ZNF33B: variants seen among roughly 807,000 people sequenced by gnomAD.
The protein encoded by ZNF33B is zinc finger protein 33B.
A neutral mutation model predicts 45.8 loss-of-function variants in ZNF33B; 29 were observed. The observed-to-expected ratio is 0.63, with a 90% confidence interval of 0.47 to 0.86. ZNF33B has a LOEUF of 0.86. Ranked by LOEUF, ZNF33B falls within the 40% of genes least tolerant of loss-of-function variation. The pLI, the probability that ZNF33B is intolerant of heterozygous loss-of-function variation, is 0.00. For missense variants in ZNF33B, 831 were observed against 909.9 expected, an observed-to-expected ratio of 0.91 and a Z score of 1.12; for synonymous variants, 305 against 307.8, an observed-to-expected ratio of 0.99 and a Z score of 0.10.
At position 42,593,064 on chromosome 10, in the gene ZNF33B, C is replaced by A. The variant is rs1837211403; in HGVS notation, c.1886G>T (p.Arg629Ile). ...ATAGGGTTTCTCCCCTATGTGAATTCTCTGATGCTGAGTGAGTTGTGACTT... is the reference window on the plus strand; with the variant it reads ...ATAGGGTTTCTCCCCTATGTGAATTATCTGATGCTGAGTGAGTTGTGACTT... The part of the protein sequence containing the change: ...CQKSQLTQHQ[R>I]IHIGEKPYEC... Residue 629 changes from arginine (R) to isoleucine (I), a missense_variant, in exon 5 of 5, where the codon AGA becomes ATA. Coordinates refer to ENST00000359467, the MANE Select transcript of ZNF33B (RefSeq NM_006955.3). 6.2e-7 allele frequency: 1 copy of A among 1,614,060 alleles called. No homozygotes were observed. The highest frequency in any genetic ancestry group is 1.3e-5 in the African/African-American group (1 of 75,028).
At chr10:42,587,012 G>C (rs1267789716), downstream of ZNF33B, among the ~76,000 whole-genome samples, 6 of 152,092 alleles carry the variant, frequency 3.9e-5, no homozygotes, top group South Asian at 6.2e-4. Context: ...TTCCTCTTGA[G>C]GGGAGTGACA....
intron 4 of ZNF33B, among the ~76,000 whole-genome samples, chr10:42,613,924 A>G (rs1294784504): frequency 6.6e-6 from 1 of 151,750 alleles, no homozygotes; most frequent in Non-Finnish European, 1.5e-5. Flanking sequence ...AAGGAAATAT[A>G]TAAGATAAGC....
chr10:42,629,209 A>C (rs558784203), intron 4 of ZNF33B, among the ~76,000 whole-genome samples: 1 of 152,306 alleles, frequency 6.6e-6, no homozygotes, highest in Admixed American at 6.5e-5. Flanking sequence ...GCATGTTCTC[A>C]CTTATTTGTG....
chr10:42,584,521 T>C (rs1042145125), downstream of ZNF33B, among the ~76,000 whole-genome samples: 11 of 150,648 alleles, frequency 7.3e-5, no homozygotes, highest in African/African-American at 2.7e-4. Context: ...CCCTTTCCTT[T>C]GAGCTTTTTT....
intron 1 of ZNF33B, chr10:42,583,225 G>C: frequency 4.4e-6 from 3 of 679,970 alleles, no homozygotes; most frequent in Admixed American, 1.9e-5. Flanking sequence ...TTTTCCTACA[G>C]AATGCTTAAC....
chr10:42,630,259 T>C (rs759619680), intron 4 of ZNF33B, among the ~76,000 whole-genome samples: 1 of 152,208 alleles, frequency 6.6e-6, no homozygotes, highest in Non-Finnish European at 1.5e-5. Context: ...AGAATTTTTA[T>C]TTAATAGTGC....
In ZNF33B at chr10:42,592,445, G is replaced by A. The variant is rs1837168803; in HGVS notation, c.*168C>T. On this transcript the variant is annotated 3_prime_UTR_variant, in exon 5 of 5. Transcript: ENST00000359467. ...ACTTCCTAACAAAAGCCATCCTATA[G>A]TTGTTGTAGTCTATGGGTTTATCCC... 7 of 991,892 alleles carry A rather than the reference G, an allele frequency of 7.1e-6. No individual in the cohort carries two copies. The Admixed American group carries it at 1.8e-4, about 26-fold the overall frequency. 61.4% of individuals were successfully genotyped at this position (991,892 alleles called of 1,614,324 possible). A position where few individuals can be genotyped will look rare whatever the true frequency, so the allele number is the denominator to read the frequency against.
rs780068475 is a variant in ZNF33B at position 42,594,324 on chromosome 10, T to G, written c.626A>C (p.His209Pro). ...TLSHRENTLQHEKIQTLDHNF... is the reference protein window; with the variant it reads ...TLSHRENTLQPEKIQTLDHNF... ...GTGGTCTAAAGTTTGAATCTTCTCATGCTGCAAAGTGTTCTCACGATGACT... is the reference window on the plus strand; with the variant it reads ...GTGGTCTAAAGTTTGAATCTTCTCAGGCTGCAAAGTGTTCTCACGATGACT... Residue 209 changes from histidine (H) to proline (P), a missense_variant, in exon 5 of 5, where the codon CAT becomes CCT. By Grantham distance (77) the His-to-Pro change is moderately conservative (BLOSUM62 -2). Transcript: ENST00000359467. 3.7e-6 allele frequency: 6 copies of G among 1,613,942 alleles called. No homozygotes were observed. The South Asian group carries it at 5.5e-5, about 15-fold the overall frequency.
intron 4 of ZNF33B, among the ~76,000 whole-genome samples, chr10:42,628,882 A>G (rs1169997126): frequency 6.6e-6 from 1 of 152,224 alleles, no homozygotes; most frequent in African/African-American, 2.4e-5. Context: ...CATATGGCTG[A>G]AAGAGAACAG....
chr10:42,607,188 G>A (rs1267671918), intron 4 of ZNF33B, among the ~76,000 whole-genome samples: 4 of 152,214 alleles, frequency 2.6e-5, no homozygotes, highest in South Asian at 2.1e-4. Context: ...CTAGAGTTAA[G>A]GTAGTAGAAA....
chr10:42,625,502 G>A (rs997099977), intron 4 of ZNF33B, among the ~76,000 whole-genome samples: 2 of 151,784 alleles, frequency 1.3e-5, no homozygotes, highest in Non-Finnish European at 2.9e-5. Flanking sequence ...TTTTTGAGAC[G>A]GAGTTTCACT....
intron 4 of ZNF33B, among the ~76,000 whole-genome samples, chr10:42,603,900 G>A (rs1388696029): frequency 3.3e-5 from 5 of 152,190 alleles, no homozygotes; most frequent in African/African-American, 1.2e-4. Context: ...GAGTGAAAAA[G>A]CTTCTCTCAA....
intron 1 of ZNF33B, among the ~76,000 whole-genome samples, chr10:42,581,218 G>A (rs1052456698): frequency 2.0e-5 from 3 of 151,992 alleles, no homozygotes; most frequent in Non-Finnish European, 4.4e-5. Context: ...GGGGGCAGTG[G>A]TTCATGTTGG....
At chr10:42,603,671 A>T (rs1172545021) in intron 4 of ZNF33B, among the ~76,000 whole-genome samples, 1 of 152,232 alleles carries the variant, frequency 6.6e-6, no homozygotes, top group African/African-American at 2.4e-5. Context: ...TAAGAGCAAC[A>T]TATGGTCCAG....
intron 4 of ZNF33B, among the ~76,000 whole-genome samples, chr10:42,608,922 T>C (rs1364891506): frequency 6.7e-6 from 1 of 148,620 alleles, no homozygotes; most frequent in East Asian, 1.9e-4. Flanking sequence ...AATGTAGGGA[T>C]TAACGATGTA....
At chr10:42,594,744 T>A (rs370392577) in intron 4 of ZNF33B, 45 bp from the exon 5 acceptor site, 1 of 1,506,884 alleles carries the variant, frequency 6.6e-7, no homozygotes, top group African/African-American at 1.4e-5. Flanking sequence ...TACCAAAACA[T>A]CTCTTAGGGA....
At chr10:42,580,714 T>A (rs1025575494) in intron 1 of ZNF33B, among the ~76,000 whole-genome samples, 5 of 147,068 alleles carry the variant, frequency 3.4e-5, no homozygotes, top group African/African-American at 1.2e-4. Context: ...AGGCCAGGAG[T>A]TCAAGACCAG....
chr10:42,612,820 C>A (rs1280083047), intron 4 of ZNF33B, among the ~76,000 whole-genome samples: 1 of 151,988 alleles, frequency 6.6e-6, no homozygotes, highest in African/African-American at 2.4e-5. Flanking sequence ...CCAATGAAAC[C>A]AAAAGAGTCT....
At chr10:42,622,888 GA>G (rs1838651862) in intron 4 of ZNF33B, among the ~76,000 whole-genome samples, 2 of 152,182 alleles carry the variant, frequency 1.3e-5, no homozygotes, top group Admixed American at 6.5e-5. Context: ...ATGTTTAGAA[GA>G]AATGTTCAGA....
Sources: allele counts gnomAD v4.1 joint callset (sites outside exome capture counted in the v4.1 genomes callset), GRCh38; gene constraint gnomAD v4.1.1; transcripts MANE v1.5; gene names NCBI Gene and HGNC (gene_info 2026-07-23, HGNC 2026-07-21).